TMEM182: variants seen among roughly 807,000 people sequenced by gnomAD.
The protein encoded by TMEM182 is transmembrane protein 182.
TMEM182 carries 20 observed loss-of-function variants against 26.8 expected under a neutral mutation model. The ratio of observed to expected loss-of-function variants is 0.75; its 90% CI spans 0.53 to 1.09. TMEM182 has a LOEUF of 1.09. Ranked by LOEUF, TMEM182 falls within the 50% of genes least tolerant of loss-of-function variation. The pLI is 0.00. For synonymous variants in TMEM182, 109 were observed against 102.2 expected (o/e 1.07, Z -0.40); for missense variants, 277 against 275.5 (o/e 1.01, Z -0.04).
intron 1 of TMEM182, among the ~76,000 whole-genome samples, chr2:102,750,220 A>T (rs1679838965): frequency 6.6e-6 from 1 of 152,208 alleles, no homozygotes; most frequent in Admixed American, 6.5e-5. Flanking sequence ...GTGAAAGCAG[A>T]TTAAGCATTT....
intron 1 of TMEM182, among the ~76,000 whole-genome samples, chr2:102,741,863 A>G (rs565825294): frequency 6.6e-6 from 1 of 152,284 alleles, no homozygotes; most frequent in Non-Finnish European, 1.5e-5. Context: ...GGAACCCCCA[A>G]CTATGAAAAT....
Position 102,831,280 on chromosome 2 carries a change from T to C in TMEM182, c.326-12132T>C, listed in dbSNP as rs371320138. Among the ~76,000 whole-genome samples the C allele has an allele frequency of 2.0e-5, 3 of 152,328 alleles. No individual in the cohort carries two copies. In the East Asian group the frequency reaches 5.8e-4, roughly 29 times the overall value. On this transcript the variant is annotated intron_variant, in intron 3 of 3. Coordinates refer to the TMEM182 transcript ENST00000486293. ...ATCTCCAAACTGTTCTCCCTAGTCG[T>C]TGTACTAATTTGCATTCCCACTGAC...
At chr2:102,822,898 G>A (rs1558792031) in intron 3 of TMEM182, among the ~76,000 whole-genome samples, 1 of 148,878 alleles carries the variant, frequency 6.7e-6, no homozygotes, top group African/African-American at 2.6e-5. Flanking sequence ...GAAGAAGAAA[G>A]AAGAAAGAAA....
intron 2 of TMEM182, among the ~76,000 whole-genome samples, chr2:102,763,772 A>G: frequency 6.6e-6 from 1 of 152,218 alleles, no homozygotes; most frequent in East Asian, 1.9e-4. Context: ...AGTCCACCTT[A>G]AAGTGTACAT....
chr2:102,842,034 T>C (rs1307123799), intron 3 of TMEM182, among the ~76,000 whole-genome samples: 2 of 152,194 alleles, frequency 1.3e-5, no homozygotes, highest in Non-Finnish European at 2.9e-5. Flanking sequence ...GATTTCATTA[T>C]CGTTCTAATA....
At chr2:102,825,522 GTTTGAGTCTT>G (rs574073983) in intron 3 of TMEM182, among the ~76,000 whole-genome samples, 1 of 152,324 alleles carries the variant, frequency 6.6e-6, no homozygotes, top group African/African-American at 2.4e-5. Context: ...CATGGTCAGT[GTTTGAGTCTT>G]TGGCCTTAGA....
At chr2:102,839,337 T>C (rs1683305073) in intron 3 of TMEM182, among the ~76,000 whole-genome samples, 1 of 151,882 alleles carries the variant, frequency 6.6e-6, no homozygotes. Flanking sequence ...ATTTCCGATT[T>C]CTTTGCTTTT....
intron 3 of TMEM182, among the ~76,000 whole-genome samples, chr2:102,787,650 T>C (rs1195116790): frequency 6.6e-6 from 1 of 152,170 alleles, no homozygotes; most frequent in African/African-American, 2.4e-5. Context: ...ACTTCAGCAT[T>C]TTTTCAAAAT....
downstream of TMEM182, among the ~76,000 whole-genome samples, chr2:102,818,122 A>G (rs531573300): frequency 1.4e-4 from 21 of 152,364 alleles, no homozygotes; most frequent in Admixed American, 4.6e-4. Context: ...TGAAGAAAAT[A>G]TAAGATGAGC....
intron 4 of TMEM182, 60 bp downstream of exon 4, chr2:102,798,060 T>C: frequency 1.3e-6 from 2 of 1,552,876 alleles, no homozygotes; most frequent in South Asian, 2.5e-5. Flanking sequence ...TCTTTCTATT[T>C]TTCATTTCTA....
intron 1 of TMEM182, among the ~76,000 whole-genome samples, chr2:102,753,284 T>C (rs1320100723): frequency 2.6e-5 from 4 of 152,014 alleles, no homozygotes; most frequent in Admixed American, 2.0e-4. Context: ...TAGCAAACCC[T>C]TTTGCAGAGG....
At chr2:102,758,343 AG>A (rs951091124), upstream of TMEM182, 10 of 648,730 alleles carry the variant, frequency 1.5e-5, no homozygotes, top group African/African-American at 1.3e-4. Flanking sequence ...TAGGCTTCTA[AG>A]ATTACTTGGG....
intron 3 of TMEM182, among the ~76,000 whole-genome samples, chr2:102,793,995 A>G (rs1350655463): frequency 1.3e-5 from 2 of 152,306 alleles, no homozygotes; most frequent in Admixed American, 6.5e-5. Flanking sequence ...GTTTGAACCC[A>G]GGAGCTTGAG....
chr2:102,835,556 G>C (rs1443284212), intron 3 of TMEM182, among the ~76,000 whole-genome samples: 1 of 152,076 alleles, frequency 6.6e-6, no homozygotes, highest in Non-Finnish European at 1.5e-5. Flanking sequence ...CACCATTATA[G>C]TACAAACGGA....
In TMEM182 at chr2:102,792,144, C is replaced by CAT. The variant is rs764692910; in HGVS notation, c.332-5703_332-5702dup. 5.4e-3 allele frequency among the ~76,000 whole-genome samples: 793 copies of CAT among 145,978 alleles called. 1 individual carries two copies. The highest frequency in any genetic ancestry group is 0.012 in the African/African-American group (493 of 39,812). ...GTGTGTGTGTGCATATGTGTATGTT[C>CAT]ATATATATATATATATAAATAATTT... On this transcript the variant is annotated intron_variant, in intron 3 of 4. Transcript: ENST00000412401.
At chr2:102,738,199 C>T (rs1213052975) in intron 1 of TMEM182, among the ~76,000 whole-genome samples, 1 of 152,196 alleles carries the variant, frequency 6.6e-6, no homozygotes, top group Non-Finnish European at 1.5e-5. Flanking sequence ...ATTAAAACCA[C>T]TCACTGTGGC....
At chr2:102,808,767 G>C (rs1409039802) in intron 4 of TMEM182, among the ~76,000 whole-genome samples, 1 of 152,122 alleles carries the variant, frequency 6.6e-6, no homozygotes, top group Non-Finnish European at 1.5e-5. Context: ...AATGAAGTGT[G>C]AACACATCTT....
chr2:102,768,741 G>A (rs1680561977), intron 3 of TMEM182, among the ~76,000 whole-genome samples: 1 of 151,740 alleles, frequency 6.6e-6, no homozygotes, highest in Non-Finnish European at 1.5e-5. Flanking sequence ...GTAATTTTTG[G>A]TCTTCCACAT....
chr2:102,758,392 T>A, upstream of TMEM182: 1 of 707,338 alleles, frequency 1.4e-6, no homozygotes, highest in Non-Finnish European at 2.6e-6. Context: ...TCCTTAGGAA[T>A]CATGGAAAAC....
Sources: gnomAD v4.1 joint callset for allele counts (sites outside exome capture counted in the v4.1 genomes callset) on GRCh38, gnomAD v4.1.1 for gene constraint, MANE v1.5 for transcripts, NCBI Gene and HGNC (gene_info 2026-07-23, HGNC 2026-07-21) for gene names.